The following MSH3 variants were observed in gnomAD, a reference collection of about 807,000 sequenced individuals.
MSH3 encodes the protein mutS homolog 3.
In MSH3, 106 loss-of-function variants were observed where a neutral mutation model predicts 123.3. The observed-to-expected ratio is 0.86, with a 90% CI of 0.73 to 1.01. MSH3 has a LOEUF of 1.01. Among genes scored for constraint, MSH3 ranks in the 50% least tolerant of loss-of-function variants. The pLI is 0.00. For missense variants in MSH3, 1,459 were observed against 1,347.6 expected (o/e 1.08, Z -1.29); for synonymous variants, 515 against 481.4 (o/e 1.07, Z -0.91).
intron 20 of MSH3, among the ~76,000 whole-genome samples, chr5:80,834,650 TA>T (rs1745478662): frequency 6.8e-6 from 1 of 147,288 alleles, no homozygotes; most frequent in Admixed American, 6.8e-5. Flanking sequence ...AATAAATACT[TA>T]AAATATATAT....
chr5:80,712,680 G>A (rs1750882619), intron 8 of MSH3, among the ~76,000 whole-genome samples: 1 of 140,490 alleles, frequency 7.1e-6, no homozygotes. Flanking sequence ...AGATATATTT[G>A]ATATTAGTTT....
chr5:80,697,109 T>C lies in MSH3; in HGVS notation c.1340+18016T>C, dbSNP rs565467196. On this transcript the variant is annotated intron_variant, in intron 8 of 23. Coordinates refer to ENST00000265081, the MANE Select transcript of MSH3 (RefSeq NM_002439.5). The stretch of plus-strand genomic sequence containing the variant: ...TCCATCAGAGTGCTGTCATGATGAT[T>C]AGTTCATATTTCCTTCTTACGAAGC... 2.6e-4 allele frequency among the ~76,000 whole-genome samples: 39 copies of C among 152,334 alleles called. No individual in the cohort carries two copies. In the East Asian group the frequency reaches 5.2e-3, roughly 20 times the overall value.
intron 8 of MSH3, among the ~76,000 whole-genome samples, chr5:80,700,340 C>T (rs1750579868): frequency 6.6e-6 from 1 of 152,280 alleles, no homozygotes; most frequent in Middle Eastern, 3.4e-3. Context: ...GAGATCTCCC[C>T]ACTGCACTCC....
rs1235946838 is a variant in MSH3, at chr5:80,743,582, C to T, written c.1654-924C>T. On this transcript the variant is annotated intron_variant, in intron 11 of 23. Transcript: ENST00000265081. ...AAACCCGGCCGGGCGCGGTGGCTCA[C>T]GCCTGTAATCCCAGCACTTTGGGAG... Among the ~76,000 whole-genome samples, 3 of 9,052 alleles carry T rather than the reference C, an allele frequency of 3.3e-4. 1 individual carries two copies. The highest frequency in any genetic ancestry group is 6.4e-4 in the Non-Finnish European group (3 of 4,678). 5.9% of individuals were successfully genotyped at this position (9,052 alleles called of 152,430 possible). A position where few individuals can be genotyped will look rare whatever the true frequency, so the allele number is the denominator to read the frequency against.
At chr5:80,775,481 T>G (rs1173083286) in intron 15 of MSH3, among the ~76,000 whole-genome samples, 1 of 152,138 alleles carries the variant, frequency 6.6e-6, no homozygotes. Flanking sequence ...TTACAAATGT[T>G]TTATGCAATA....
At chr5:80,869,065 T>C (rs1325026078) in intron 22 of MSH3, among the ~76,000 whole-genome samples, 1 of 152,180 alleles carries the variant, frequency 6.6e-6, no homozygotes, top group African/African-American at 2.4e-5. Flanking sequence ...GGTAAAACAA[T>C]GGACAAACAG....
intron 3 of MSH3, among the ~76,000 whole-genome samples, chr5:80,665,721 G>A (rs919451561): frequency 6.6e-6 from 1 of 152,184 alleles, no homozygotes; most frequent in African/African-American, 2.4e-5. Flanking sequence ...GGAAAATCAT[G>A]ATGGGCAACT....
intron 22 of MSH3, among the ~76,000 whole-genome samples, chr5:80,869,569 C>T (rs1009973354): frequency 4.6e-5 from 7 of 151,786 alleles, no homozygotes; most frequent in South Asian, 2.1e-4. Context: ...AGAGTGGTTG[C>T]GTTCTTTACC....
chr5:80,681,483 A>C (rs1277796971), intron 8 of MSH3, among the ~76,000 whole-genome samples: 1 of 152,002 alleles, frequency 6.6e-6, no homozygotes, highest in Non-Finnish European at 1.5e-5. Context: ...GAATATTTCT[A>C]TATATGGATA....
chr5:80,666,276 T>C (rs1749565906), intron 3 of MSH3, among the ~76,000 whole-genome samples: 2 of 152,184 alleles, frequency 1.3e-5, no homozygotes, highest in Admixed American at 1.3e-4. Flanking sequence ...TATATGTATA[T>C]GTATGTGTGT....
chr5:80,803,874 G>T (rs1388360624), intron 19 of MSH3, among the ~76,000 whole-genome samples: 4 of 152,156 alleles, frequency 2.6e-5, no homozygotes, highest in Non-Finnish European at 5.9e-5. Context: ...GTAGGTGTGT[G>T]AATTTGTTTC....
chr5:80,705,685 G>T (rs1006138784), intron 8 of MSH3, among the ~76,000 whole-genome samples: 23 of 152,250 alleles, frequency 1.5e-4, no homozygotes, highest in Non-Finnish European at 3.4e-4. Flanking sequence ...AACAGTATTG[G>T]CTCCTTCTTG....
intron 12 of MSH3, among the ~76,000 whole-genome samples, chr5:80,754,141 T>G (rs1262846746): frequency 2.0e-5 from 3 of 152,188 alleles, no homozygotes; most frequent in Non-Finnish European, 4.4e-5. Flanking sequence ...CTTTAAAAGT[T>G]TGAAAATCTG....
rs190197334 is a variant in MSH3 at position 80,822,244 on chromosome 5, A to G, written c.2813+8503A>G. Among the ~76,000 whole-genome samples, 91 of 152,350 alleles carry G rather than the reference A, an allele frequency of 6.0e-4. 1 individual carries two copies. In the Middle Eastern group the frequency reaches 0.014, roughly 23 times the overall value. On this transcript the variant is annotated intron_variant, in intron 20 of 23. Transcript: ENST00000265081. Reference sequence around the variant, plus strand: ...CATAGTCAAGAGAATCAGACATGTTATACTTGAGCACAAATCTTGCTTTTC... The same window carrying G: ...CATAGTCAAGAGAATCAGACATGTTGTACTTGAGCACAAATCTTGCTTTTC...
rs750261457 is a variant in MSH3 at position 80,768,047 on chromosome 5, G to A, written c.2011G>A (p.Val671Ile). 22 of 1,613,606 alleles carry A rather than the reference G, an allele frequency of 1.4e-5. No homozygotes were observed. Among genetic ancestry groups the A allele is most frequent in the African/African-American group, 6.7e-5 (5 of 74,870 alleles). Residue 671 changes from valine (V) to isoleucine (I), a missense_variant, in exon 14 of 24, where the codon GTT becomes ATT. Physicochemically the swap from Val to Ile is conservative, Grantham distance 29. Coordinates refer to ENST00000265081, the MANE Select transcript of MSH3 (RefSeq NM_002439.5). ...CATTCAGTCAGACTTGCTCCGGACC[G>A]TTATTTTAGAAATTCCTGAACTCCT... ...SHIQSDLLRT[V>I]ILEIPELLSP...
chr5:80,824,510 G>A (rs925241289), intron 20 of MSH3, among the ~76,000 whole-genome samples: 1 of 152,234 alleles, frequency 6.6e-6, no homozygotes, highest in Non-Finnish European at 1.5e-5. Context: ...CATTTTAAAA[G>A]TGTCCCAGAT....
intron 10 of MSH3, among the ~76,000 whole-genome samples, chr5:80,738,316 A>G (rs1162717899): frequency 6.6e-6 from 1 of 152,176 alleles, no homozygotes; most frequent in Non-Finnish European, 1.5e-5. Context: ...AGGCACAAAA[A>G]CAGTCATGTA....
intron 12 of MSH3, among the ~76,000 whole-genome samples, chr5:80,760,785 C>T (rs6151788): frequency 6.6e-6 from 1 of 152,330 alleles, no homozygotes; most frequent in East Asian, 1.9e-4. Context: ...GGCTCACAAG[C>T]TTGCCTAGCT....
intron 12 of MSH3, chr5:80,746,574 G>A: frequency 2.5e-6 from 1 of 404,620 alleles, no homozygotes. Context: ...CCTAAGGAGG[G>A]ATCTCCTCTG....
Sources: gnomAD v4.1 joint callset for allele counts (sites outside exome capture counted in the v4.1 genomes callset) on GRCh38, gnomAD v4.1.1 for gene constraint, MANE v1.5 for transcripts, NCBI Gene and HGNC (gene_info 2026-07-23, HGNC 2026-07-21) for gene names.